Variants in GRM7 observed in about 807,000 individuals in gnomAD.
GRM7 encodes metabotropic glutamate receptor 7.
GRM7 carries 35 observed loss-of-function variants against 84.5 expected under a neutral mutation model. The observed-to-expected ratio is 0.41, with a 90% CI of 0.32 to 0.55. The LOEUF is 0.55. Ranked by LOEUF, GRM7 falls within the 20% of genes least tolerant of loss-of-function variation. GRM7 has a pLI of 0.19. For missense variants in GRM7, 1,003 were observed against 1,194.6 expected, an observed-to-expected ratio of 0.84 and a Z score of 2.36; for synonymous variants, 487 against 455.1, an observed-to-expected ratio of 1.07 and a Z score of -0.89.
At chr3:7,220,957 G>A (rs1160476870) in intron 2 of GRM7, among the ~76,000 whole-genome samples, 9 of 152,074 alleles carry the variant, frequency 5.9e-5, no homozygotes, top group Admixed American at 4.6e-4. Context: ...TGCAGGGAAT[G>A]GTGGCACACA....
At chr3:7,731,887 C>T (rs535826759) in intron 9 of GRM7, among the ~76,000 whole-genome samples, 149 of 152,234 alleles carry the variant, frequency 9.8e-4, no homozygotes, top group Non-Finnish European at 1.8e-3. Flanking sequence ...CCCACTATTT[C>T]ATCTCTGTCC....
chr3:6,892,871 G>A (rs1696020797), intron 1 of GRM7: 2 of 151,970 alleles, frequency 1.3e-5, no homozygotes, highest in Non-Finnish European at 2.9e-5. Flanking sequence ...GGGACAAAAC[G>A]ATGCGAAACC....
intron 8 of GRM7, among the ~76,000 whole-genome samples, chr3:7,616,866 T>C (rs1392522765): frequency 2.6e-5 from 4 of 152,136 alleles, no homozygotes; most frequent in Non-Finnish European, 4.4e-5. Flanking sequence ...AGTTGTGCTT[T>C]CTGGATGGAA....
At chr3:7,406,724 C>G (rs1261040397) in intron 4 of GRM7, among the ~76,000 whole-genome samples, 1 of 152,200 alleles carries the variant, frequency 6.6e-6, no homozygotes, top group East Asian at 1.9e-4. Flanking sequence ...ATTCACATAT[C>G]TGGTAAAACT....
chr3:7,083,147 C>A (rs984634298), intron 1 of GRM7, among the ~76,000 whole-genome samples: 1 of 152,094 alleles, frequency 6.6e-6, no homozygotes, highest in Non-Finnish European at 1.5e-5. Flanking sequence ...ACAGAGAAAT[C>A]TTTTGTGAAA....
intron 1 of GRM7, among the ~76,000 whole-genome samples, chr3:6,883,645 AG>A (rs1308130618): frequency 6.6e-6 from 1 of 152,222 alleles, no homozygotes; most frequent in Non-Finnish European, 1.5e-5. Flanking sequence ...ATGGCATTTT[AG>A]GTTGTATACT....
chr3:7,393,805 TG>T (rs1322654903), intron 4 of GRM7, among the ~76,000 whole-genome samples: 3 of 152,220 alleles, frequency 2.0e-5, no homozygotes, highest in African/African-American at 7.2e-5. Context: ...TGTAGGAAAC[TG>T]GTAAGTGTAT....
At chr3:6,878,993 G>C (rs543164604) in intron 1 of GRM7, among the ~76,000 whole-genome samples, 71 of 152,274 alleles carry the variant, frequency 4.7e-4, no homozygotes, top group Admixed American at 8.5e-4. Context: ...TGTGTTTCAT[G>C]AAAGATGAGT....
rs900869332 is a variant in GRM7, at chr3:7,699,216, G to A, written c.2698+18921G>A. Reference sequence around the variant, plus strand: ...CAGGTAAGAAAGATTCTACATCTAGGGAAAAACTGACTACCTAGTTTTCTG... The same window carrying A: ...CAGGTAAGAAAGATTCTACATCTAGAGAAAAACTGACTACCTAGTTTTCTG... On this transcript the variant is annotated intron_variant, in intron 9 of 9. Transcript: ENST00000357716. 1.4e-4 allele frequency among the ~76,000 whole-genome samples: 22 copies of A among 152,074 alleles called. 1 individual carries two copies. The highest frequency in any genetic ancestry group is 1.2e-3 in the Admixed American group (18 of 15,276).
intron 2 of GRM7, among the ~76,000 whole-genome samples, chr3:7,237,792 C>A (rs138674894): frequency 1.7e-3 from 263 of 152,268 alleles, no homozygotes; most frequent in African/African-American, 5.6e-3. Context: ...CCTTATTTGG[C>A]CCTACACACA....
chr3:7,516,437 C>A (rs1348118106), intron 7 of GRM7, among the ~76,000 whole-genome samples: 3 of 137,282 alleles, frequency 2.2e-5, no homozygotes, highest in South Asian at 4.7e-4. Context: ...ATATCGTGCC[C>A]CTGCACTCCA....
intron 2 of GRM7, among the ~76,000 whole-genome samples, chr3:7,227,800 C>A (rs1280521475): frequency 6.6e-6 from 1 of 152,086 alleles, no homozygotes; most frequent in Non-Finnish European, 1.5e-5. Context: ...AATAAGACTT[C>A]TCTGGCTGCA....
rs56250356 is a variant in GRM7, at chr3:7,726,613, CTATATATATATA to C, written c.2699-13703_2699-13692del. Among the ~76,000 whole-genome samples, 512 of 58,054 alleles carry C rather than the reference CTATATATATATA, an allele frequency of 8.8e-3. 5 individuals carry two copies. The highest frequency in any genetic ancestry group is 0.017 in the African/African-American group (282 of 16,824). 38.1% of individuals were successfully genotyped at this position (58,054 alleles called of 152,430 possible). ...TCATTTTCTCCGTCTCTCTCTCCCT[CTATATATATATA>C]TATATATATATATATATATATATAT... is the stretch of plus-strand genomic sequence containing the variant. On this transcript the variant is annotated intron_variant, in intron 9 of 9. Coordinates refer to ENST00000357716, the MANE Select transcript of GRM7 (RefSeq NM_000844.4).
intron 2 of GRM7, among the ~76,000 whole-genome samples, chr3:7,147,128 A>C (rs1353105819): frequency 3.3e-5 from 5 of 152,214 alleles, no homozygotes; most frequent in Admixed American, 2.6e-4. Context: ...CCAAAACAAA[A>C]TTAAATAAAT....
chr3:7,002,811 A>T (rs986397330), intron 1 of GRM7, among the ~76,000 whole-genome samples: 1 of 152,222 alleles, frequency 6.6e-6, no homozygotes, highest in African/African-American at 2.4e-5. Flanking sequence ...AGTACTATTG[A>T]TAATAGCCAA....
intron 4 of GRM7, among the ~76,000 whole-genome samples, chr3:7,406,475 G>A (rs1243703741): frequency 6.6e-6 from 1 of 151,926 alleles, no homozygotes; most frequent in Non-Finnish European, 1.5e-5. Context: ...ACTCCAGCCT[G>A]GGCAACAGAG....
chr3:7,171,810 A>G (rs1426934171), intron 2 of GRM7, among the ~76,000 whole-genome samples: 1 of 152,318 alleles, frequency 6.6e-6, no homozygotes, highest in Middle Eastern at 3.4e-3. Flanking sequence ...ATCAGCACCA[A>G]GTAAATGCCA....
At chr3:7,530,399 A>T (rs1700990991) in intron 7 of GRM7, among the ~76,000 whole-genome samples, 1 of 152,152 alleles carries the variant, frequency 6.6e-6, no homozygotes, top group Non-Finnish European at 1.5e-5. Context: ...TGCTGCAATA[A>T]ACAAATGTGT....
chr3:7,132,950 C>T (rs1049532012), intron 1 of GRM7, among the ~76,000 whole-genome samples: 14 of 152,218 alleles, frequency 9.2e-5, no homozygotes, highest in Admixed American at 8.5e-4. Flanking sequence ...TCTGAATAAT[C>T]GATTTTTTTT....
Sources: allele counts gnomAD v4.1 joint callset (sites outside exome capture counted in the v4.1 genomes callset), GRCh38; gene constraint gnomAD v4.1.1; transcripts MANE v1.5; gene names NCBI Gene and HGNC (gene_info 2026-07-23, HGNC 2026-07-21).